SAMMSON: variants seen among roughly 807,000 people sequenced by gnomAD.
SAMMSON encodes the protein survival associated mitochondrial melanoma specific oncogenic non-coding RNA.
chr3:70,195,627 C>A (rs1430324884), intron 4 of SAMMSON, among the ~76,000 whole-genome samples: 1 of 152,080 alleles, frequency 6.6e-6, no homozygotes, highest in African/African-American at 2.4e-5. Flanking sequence ...AAATTACACA[C>A]AAAAAAATTC....
chr3:70,063,884 C>A lies in SAMMSON; in HGVS notation n.418-7592C>A, dbSNP rs377310186. Among the ~76,000 whole-genome samples, 4 of 152,214 alleles carry A rather than the reference C, an allele frequency of 2.6e-5. No individual in the cohort carries two copies. The East Asian group carries it at 5.8e-4, about 22-fold the overall frequency. On this transcript the variant is annotated intron_variant and non_coding_transcript_variant, in intron 3 of 9. Coordinates refer to ENST00000642114, the Ensembl canonical transcript of SAMMSON. ...ACAGTGCCTGGCATATCTTAAGTATCATTAGCATCAGCATCATCATTCTTC... is the reference window on the plus strand; with the variant it reads ...ACAGTGCCTGGCATATCTTAAGTATAATTAGCATCAGCATCATCATTCTTC...
chr3:70,256,670 C>T (rs1490617696), intron 6 of SAMMSON, among the ~76,000 whole-genome samples: 1 of 152,190 alleles, frequency 6.6e-6, no homozygotes, highest in Non-Finnish European at 1.5e-5. Flanking sequence ...CCCTCCTTCC[C>T]TCCTTTTCTA....
intron 6 of SAMMSON, chr3:70,283,638 G>C (rs2049223): frequency 6.6e-6 from 1 of 151,778 alleles, no homozygotes; most frequent in South Asian, 2.1e-4. Flanking sequence ...AGGGATTCAT[G>C]CTGGGGTCAG....
At chr3:70,192,725 A>T (rs1701140345) in intron 4 of SAMMSON, among the ~76,000 whole-genome samples, 1 of 152,336 alleles carries the variant, frequency 6.6e-6, no homozygotes, top group African/African-American at 2.4e-5. Context: ...ATGAAGAATC[A>T]TATTCGTAGT....
At chr3:70,016,505 G>C (rs547375860) in intron 3 of SAMMSON, among the ~76,000 whole-genome samples, 1 of 152,176 alleles carries the variant, frequency 6.6e-6, no homozygotes, top group African/African-American at 2.4e-5. Context: ...CAGATGAGTA[G>C]ATTGCAAAAA....
intron 9 of SAMMSON, among the ~76,000 whole-genome samples, chr3:70,368,364 A>G (rs761358648): frequency 1.3e-5 from 2 of 151,640 alleles, no homozygotes; most frequent in African/African-American, 4.8e-5. Flanking sequence ...CATGATGTCA[A>G]TTAAGTTAAA....
intron 2 of SAMMSON, among the ~76,000 whole-genome samples, chr3:70,418,155 T>C (rs765195504): frequency 5.4e-4 from 82 of 152,200 alleles, no homozygotes; most frequent in Admixed American, 2.3e-3. Context: ...AGCCTCTACT[T>C]TTCCCTTTCA....
intron 6 of SAMMSON, among the ~76,000 whole-genome samples, chr3:70,274,870 T>C: frequency 6.6e-6 from 1 of 152,234 alleles, no homozygotes; most frequent in East Asian, 1.9e-4. Context: ...AATGTCCTAC[T>C]ATTCTTTCTG....
intron 7 of SAMMSON, among the ~76,000 whole-genome samples, chr3:70,307,424 G>A (rs1391830122): frequency 1.3e-5 from 2 of 152,074 alleles, no homozygotes; most frequent in African/African-American, 4.8e-5. Flanking sequence ...AATGGTGTAA[G>A]CTACAGGCAC....
At chr3:70,223,984 T>C (rs886522311) in intron 4 of SAMMSON, among the ~76,000 whole-genome samples, 2 of 152,158 alleles carry the variant, frequency 1.3e-5, no homozygotes, top group African/African-American at 2.4e-5. Flanking sequence ...CTATCTCTAT[T>C]GGAAATATGC....
chr3:70,023,576 A>G (rs1056974062), intron 3 of SAMMSON, among the ~76,000 whole-genome samples: 6 of 152,144 alleles, frequency 3.9e-5, no homozygotes, highest in Admixed American at 3.9e-4. Flanking sequence ...ACTGTTCAAA[A>G]TTAACATCTG....
chr3:70,362,193 G>C (rs1702876614), intron 9 of SAMMSON, among the ~76,000 whole-genome samples: 1 of 152,172 alleles, frequency 6.6e-6, no homozygotes, highest in Admixed American at 6.5e-5. Context: ...CGGATGATAA[G>C]TGGTGGTTTA....
At chr3:70,125,293 T>C (rs1419849220) in intron 4 of SAMMSON, 2 of 1,306,426 alleles carry the variant, frequency 1.5e-6, no homozygotes, top group African/African-American at 2.9e-5. Flanking sequence ...AGTCAACATA[T>C]CTTCCAAAAA....
intron 3 of SAMMSON, among the ~76,000 whole-genome samples, chr3:70,042,690 A>G (rs1029141674): frequency 6.6e-6 from 1 of 152,100 alleles, no homozygotes; most frequent in African/African-American, 2.4e-5. Context: ...AAGTCTGCCA[A>G]CAGAATCCAC....
chr3:70,317,930 T>G (rs543004009), intron 7 of SAMMSON, among the ~76,000 whole-genome samples: 21 of 152,044 alleles, frequency 1.4e-4, no homozygotes, highest in African/African-American at 4.6e-4. Context: ...TAGAATTCTT[T>G]ATTGACAGGT....
At chr3:70,125,247 G>A (rs978217086) in intron 4 of SAMMSON, 27 of 1,306,314 alleles carry the variant, frequency 2.1e-5, no homozygotes, top group Admixed American at 1.8e-4. Context: ...TTCATCAAAC[G>A]TATATCAAAC....
chr3:70,361,172 C>T (rs536437959), intron 9 of SAMMSON, among the ~76,000 whole-genome samples: 1 of 152,224 alleles, frequency 6.6e-6, no homozygotes, highest in African/African-American at 2.4e-5. Context: ...GTGATGTCAT[C>T]ATTTTCTCTT....
chr3:70,310,479 C>T (rs1272654462), intron 7 of SAMMSON, among the ~76,000 whole-genome samples: 2 of 152,048 alleles, frequency 1.3e-5, no homozygotes, highest in Non-Finnish European at 2.9e-5. Flanking sequence ...GATTATCCTG[C>T]CTCAGCCTCC....
intron 1 of SAMMSON, among the ~76,000 whole-genome samples, chr3:70,010,933 G>T (rs1222907196): frequency 6.6e-6 from 1 of 152,032 alleles, no homozygotes; most frequent in Non-Finnish European, 1.5e-5. Context: ...CAGCATGCAG[G>T]TGATGCTGTT....
Sources: gnomAD v4.1 joint callset for allele counts (sites outside exome capture counted in the v4.1 genomes callset) on GRCh38, gnomAD v4.1.1 for gene constraint, MANE v1.5 for transcripts, NCBI Gene and HGNC (gene_info 2026-07-23, HGNC 2026-07-21) for gene names.